Variants in SND1 observed in about 807,000 individuals in gnomAD.
The protein encoded by SND1 is staphylococcal nuclease and tudor domain containing 1.
A neutral mutation model predicts 121.7 loss-of-function variants in SND1; 38 were observed. The observed-to-expected ratio is 0.31, with a 90% confidence interval of 0.24 to 0.41. The LOEUF is 0.41. SND1 is among the 10% of genes least tolerant of loss of function. The pLI, the probability that SND1 is intolerant of heterozygous loss-of-function variation, is 1.00. For missense variants in SND1, 868 were observed against 1,184.6 expected, an observed-to-expected ratio of 0.73 and a Z score of 3.92; for synonymous variants, 401 against 447.4, an observed-to-expected ratio of 0.90 and a Z score of 1.31.
intron 15 of SND1, among the ~76,000 whole-genome samples, chr7:127,961,030 A>G (rs1801718763): frequency 6.6e-6 from 1 of 152,220 alleles, no homozygotes; most frequent in African/African-American, 2.4e-5. Flanking sequence ...CTCAAACCCT[A>G]ACAAAGTCAG....
rs1169833568 is a variant in SND1 at position 127,929,082 on chromosome 7, G to A, written c.1528-106G>A. The A allele has an allele frequency of 2.8e-6, 3 of 1,065,316 alleles. No homozygotes were observed. The African/African-American group carries it at 4.8e-5, about 17-fold the overall frequency. The allele number at this position is 1,065,316 out of a possible 1,614,324, so 66.0% of individuals were successfully genotyped here. On this transcript the variant is annotated intron_variant, in intron 14 of 23. Coordinates refer to ENST00000354725, the MANE Select transcript of SND1 (RefSeq NM_014390.4). Reference sequence around the variant, plus strand: ...TTGGTTTCAGAAATGTCTATAAATAGGGTTATTTGCTTAGCTTCCTGCCAA... The same window carrying A: ...TTGGTTTCAGAAATGTCTATAAATAAGGTTATTTGCTTAGCTTCCTGCCAA...
chr7:128,074,761 A>G (rs1269153150), intron 17 of SND1, 71 bp downstream of exon 17: 2 of 1,403,566 alleles, frequency 1.4e-6, no homozygotes, highest in Non-Finnish European at 1.9e-6. Context: ...TGCTGCCTCC[A>G]GAGAACAGGA....
In SND1 at chr7:128,085,297, T is replaced by A. The variant is rs1461684836; in HGVS notation, c.2235-414T>A. ...CCGGAAGAAGGTCGCTGATGTGTAA[T>A]CTACCAAGGGAGGGCCCATGGCCTT... is the stretch of plus-strand genomic sequence containing the variant. On this transcript the variant is annotated intron_variant, in intron 19 of 23. Coordinates refer to ENST00000354725, the MANE Select transcript of SND1 (RefSeq NM_014390.4). The surrounding 1 kb of genome is among the most constrained non-coding windows in gnomAD (Gnocchi z 4.4). 6.6e-6 allele frequency among the ~76,000 whole-genome samples: 1 copy of A among 152,152 alleles called. No individual in the cohort carries two copies. Among genetic ancestry groups the A allele is most frequent in the African/African-American group, 2.4e-5 (1 of 41,446 alleles).
intron 13 of SND1, among the ~76,000 whole-genome samples, chr7:127,901,730 T>C (rs1800235765): frequency 6.6e-6 from 1 of 152,220 alleles, no homozygotes; most frequent in Non-Finnish European, 1.5e-5. Context: ...AGTTTACATA[T>C]GCTGGTACAG....
intron 16 of SND1, among the ~76,000 whole-genome samples, chr7:128,033,585 A>G (rs1010253934): frequency 6.6e-5 from 10 of 152,200 alleles, no homozygotes; most frequent in African/African-American, 2.2e-4. Flanking sequence ...TAAATACGCC[A>G]TGGAATACTT....
chr7:127,896,760 A>G (rs1800128049), intron 13 of SND1, among the ~76,000 whole-genome samples: 1 of 151,818 alleles, frequency 6.6e-6, no homozygotes, highest in South Asian at 2.1e-4. Context: ...CCTTCCTCAG[A>G]CTCTGAGTTC....
intron 11 of SND1, among the ~76,000 whole-genome samples, chr7:127,833,577 T>G (rs1457085635): frequency 1.3e-5 from 2 of 152,146 alleles, no homozygotes; most frequent in African/African-American, 4.8e-5. Flanking sequence ...AACTGTCTTA[T>G]TGAAGTAACC....
chr7:128,087,367 C>T (rs941912302), intron 21 of SND1, among the ~76,000 whole-genome samples: 7 of 152,006 alleles, frequency 4.6e-5, no homozygotes, highest in Admixed American at 1.3e-4. Flanking sequence ...GGCTTGGTGT[C>T]GTGGGGTTGT....
chr7:127,811,027 G>A (rs17730877), intron 11 of SND1, among the ~76,000 whole-genome samples: 9,864 of 152,254 alleles, frequency 0.065, 402 homozygotes, highest in Middle Eastern at 0.19. Flanking sequence ...TCTATCATCA[G>A]AGACTGTCCT....
chr7:127,780,687 G>A (rs531525809), intron 10 of SND1, among the ~76,000 whole-genome samples: 15 of 152,270 alleles, frequency 9.9e-5, no homozygotes, highest in Admixed American at 3.3e-4. Context: ...TCATAATGAC[G>A]CCATTGTTCT....
chr7:127,714,668 C>T (rs749232357), intron 9 of SND1, among the ~76,000 whole-genome samples: 2 of 152,176 alleles, frequency 1.3e-5, no homozygotes, highest in Non-Finnish European at 2.9e-5. Context: ...CTCTTCCAGG[C>T]CCTGGCAACC....
At chr7:127,681,557 C>T (rs184487679) in intron 1 of SND1, among the ~76,000 whole-genome samples, 75 of 152,280 alleles carry the variant, frequency 4.9e-4, no homozygotes, top group Non-Finnish European at 9.7e-4. Flanking sequence ...AAACCATCAC[C>T]TAATGCAAGG....
chr7:127,812,121 T>A (rs1798345358), intron 11 of SND1, among the ~76,000 whole-genome samples: 1 of 152,258 alleles, frequency 6.6e-6, no homozygotes, highest in South Asian at 2.1e-4. Context: ...CCAATGCTTT[T>A]AATTGCTATG....
chr7:128,078,758 C>T (rs1000987759), intron 17 of SND1, among the ~76,000 whole-genome samples: 3 of 152,214 alleles, frequency 2.0e-5, no homozygotes, highest in South Asian at 2.1e-4. Flanking sequence ...GCTGAGGGGC[C>T]GCCTTCCCCC....
At chr7:127,833,868 C>G (rs1010664743) in intron 11 of SND1, among the ~76,000 whole-genome samples, 3 of 152,162 alleles carry the variant, frequency 2.0e-5, no homozygotes, top group Admixed American at 6.5e-5. Flanking sequence ...AAATAAATCT[C>G]TCCATCCCCT....
chr7:127,947,193 C>T (rs1416460207), intron 15 of SND1, among the ~76,000 whole-genome samples: 1 of 152,122 alleles, frequency 6.6e-6, no homozygotes, highest in African/African-American at 2.4e-5. Context: ...TGGGTTGGGG[C>T]TTCTGTCAGG....
rs139985362 is a variant in SND1, at chr7:127,828,935, A to G, written c.1243-15389A>G. On this transcript the variant is annotated intron_variant, in intron 11 of 23. Coordinates refer to ENST00000354725, the MANE Select transcript of SND1 (RefSeq NM_014390.4). Reference sequence around the variant, plus strand: ...CTCCTGTCTTGTAGAAGAATTTATCATTAGTTTTCCACCTGACCTCTTAGA... The same window carrying G: ...CTCCTGTCTTGTAGAAGAATTTATCGTTAGTTTTCCACCTGACCTCTTAGA... 2.9e-3 allele frequency among the ~76,000 whole-genome samples: 438 copies of G among 152,238 alleles called. 2 individuals carry two copies. The highest frequency in any genetic ancestry group is 1.0e-2 in the African/African-American group (414 of 41,552).
chr7:127,782,265 C>A (rs147282597), intron 10 of SND1, among the ~76,000 whole-genome samples: 2 of 152,238 alleles, frequency 1.3e-5, no homozygotes, highest in African/African-American at 4.8e-5. Flanking sequence ...GTTTTCCAGG[C>A]AGAAAAGGGA....
intron 14 of SND1, among the ~76,000 whole-genome samples, chr7:127,927,666 A>G (rs1426503350): frequency 6.6e-6 from 1 of 152,170 alleles, no homozygotes; most frequent in Admixed American, 6.5e-5. Context: ...TTCTCTAAGA[A>G]TCCGTTTGAT....
Sources: gnomAD v4.1 joint callset for allele counts (sites outside exome capture counted in the v4.1 genomes callset) on GRCh38, gnomAD v4.1.1 for gene constraint, Gnocchi (gnomAD v3.1) non-coding constraint, MANE v1.5 for transcripts, NCBI Gene and HGNC (gene_info 2026-07-23, HGNC 2026-07-21) for gene names.